DHX57: variants seen among roughly 807,000 people sequenced by gnomAD.
DHX57 encodes DExH-box helicase 57.
A neutral mutation model predicts 156.2 loss-of-function variants in DHX57; 105 were observed. That is an observed-to-expected ratio of 0.67 (90% CI 0.57 to 0.79). DHX57 has a LOEUF of 0.79. Ranked by LOEUF, DHX57 falls within the 30% of genes least tolerant of loss-of-function variation. The pLI, the probability that DHX57 is intolerant of heterozygous loss-of-function variation, is 0.00. For missense variants in DHX57, 1,847 were observed against 1,661.9 expected (o/e 1.11, Z -1.94); for synonymous variants, 704 against 595.6 (o/e 1.18, Z -2.65).
At chr2:38,799,437 CAAAAAAAAAAAA>C (rs772099726) in intron 23 of DHX57, among the ~76,000 whole-genome samples, 3 of 95,630 alleles carry the variant, frequency 3.1e-5, no homozygotes, top group Non-Finnish European at 5.7e-5. Flanking sequence ...CTTGTTGTCT[CAAAAAAAAAAAA>C]AAAAAAAAGG....
chr2:38,819,263 C>T, intron 17 of DHX57, 119 bp from the exon 18 acceptor site: 2 of 879,040 alleles, frequency 2.3e-6, no homozygotes, highest in Non-Finnish European at 1.8e-6. Flanking sequence ...CAACCTTTAT[C>T]TCCCAGGCTT....
intron 13 of DHX57, among the ~76,000 whole-genome samples, chr2:38,832,394 C>T (rs941723476): frequency 1.3e-5 from 2 of 151,888 alleles, no homozygotes; most frequent in Non-Finnish European, 2.9e-5. Context: ...GCCGAGATTG[C>T]GCCACTGCAC....
intron 21 of DHX57, chr2:38,811,077 T>C: frequency 1.7e-6 from 1 of 582,732 alleles, no homozygotes; most frequent in Non-Finnish European, 3.2e-6. Context: ...GGTGGTTGGT[T>C]CTTGGGGTTC....
intron 5 of DHX57, among the ~76,000 whole-genome samples, 188 bp from the exon 6 acceptor site, chr2:38,859,024 A>G (rs1330654109): frequency 6.6e-6 from 1 of 152,144 alleles, no homozygotes; most frequent in Non-Finnish European, 1.5e-5. Context: ...CCTCAAATAA[A>G]CTTTTATCAA....
intron 21 of DHX57, chr2:38,810,513 C>A (rs1670183905): frequency 2.0e-5 from 11 of 557,366 alleles, no homozygotes; most frequent in Non-Finnish European, 3.8e-5. Context: ...ACTGGTGTCA[C>A]CGACTGGCTG....
At chr2:38,807,849 T>A (rs778600812) in intron 21 of DHX57, among the ~76,000 whole-genome samples, 11 of 151,840 alleles carry the variant, frequency 7.2e-5, no homozygotes, top group Non-Finnish European at 1.2e-4. Flanking sequence ...TTTCTCCATG[T>A]TGGTCAGGCT....
At chr2:38,810,363 C>T (rs1468495606) in intron 21 of DHX57, 6 of 465,496 alleles carry the variant, frequency 1.3e-5, no homozygotes, top group Non-Finnish European at 8.4e-6. Flanking sequence ...TACAAATTAT[C>T]ACAACAATTA....
chr2:38,862,318 C>A lies in DHX57; in HGVS notation c.399G>T (p.Gly133=). 6.3e-7 allele frequency: 1 copy of A among 1,580,364 alleles called. No individual in the cohort carries two copies. Among genetic ancestry groups the A allele is most frequent in the Non-Finnish European group, 8.6e-7 (1 of 1,158,678 alleles). ...AATCAGGCTCATCATCTTCCTCCTC[C>A]CCAGAAAGGCCTCTTCTAGCAAAGG... The part of the protein sequence containing the change: ...ADAGSERGLS[G]EEEDDEPDCC... The change falls in exon 4 of 24, where the codon GGG becomes GGT. Residue 133 remains glycine, a synonymous_variant. Coordinates refer to ENST00000457308, the MANE Select transcript of DHX57 (RefSeq NM_198963.3).
intron 13 of DHX57, among the ~76,000 whole-genome samples, chr2:38,837,548 T>C (rs181101545): frequency 1.6e-3 from 218 of 133,566 alleles, no homozygotes; most frequent in African/African-American, 5.6e-3. Flanking sequence ...GAGGCGGAGA[T>C]TGCAGTAAGC....
rs1333685544 is a variant in DHX57, at chr2:38,802,765, C to T, written c.3967G>A (p.Val1323Ile). Residue 1323 changes from valine (V) to isoleucine (I), a missense_variant, in exon 23 of 24, where the codon GTT (valine) becomes ATT (isoleucine). Coordinates refer to ENST00000457308, the MANE Select transcript of DHX57 (RefSeq NM_198963.3). ...ATCCAACCATCATCCAGGGAGACAACGAACTCTCCTCTTTGAAGCTGCACA... is the reference window on the plus strand; with the variant it reads ...ATCCAACCATCATCCAGGGAGACAATGAACTCTCCTCTTTGAAGCTGCACA... ...VNVQLQRGEF[V>I]VSLDDGWIRF... The T allele has an allele frequency of 5.6e-6, 9 of 1,614,136 alleles. No homozygotes were observed. The highest frequency in any genetic ancestry group is 5.0e-5 in the Admixed American group (3 of 60,008).
At chr2:38,808,605 A>G (rs1411674540) in intron 21 of DHX57, among the ~76,000 whole-genome samples, 1 of 152,122 alleles carries the variant, frequency 6.6e-6, no homozygotes, top group Non-Finnish European at 1.5e-5. Flanking sequence ...TCCTAGCTGT[A>G]TCTTTGTGTA....
intron 2 of DHX57, among the ~76,000 whole-genome samples, chr2:38,867,694 G>A (rs1487693616): frequency 6.6e-6 from 1 of 152,102 alleles, no homozygotes; most frequent in East Asian, 1.9e-4. Flanking sequence ...TAGTACCTGG[G>A]ATTACAGGTG....
At chr2:38,870,801 C>T (rs1665316840) in intron 1 of DHX57, among the ~76,000 whole-genome samples, 1 of 151,880 alleles carries the variant, frequency 6.6e-6, no homozygotes, top group South Asian at 2.1e-4. Flanking sequence ...ATCACTTGAA[C>T]ATGGGAGACA....
intron 12 of DHX57, chr2:38,838,817 G>T (rs974700876): frequency 4.4e-6 from 2 of 455,912 alleles, no homozygotes; most frequent in East Asian, 1.4e-4. Context: ...AACACCCACG[G>T]AGTCTACTCA....
intron 17 of DHX57, 112 bp from the exon 18 acceptor site, chr2:38,819,256 C>A: frequency 2.2e-6 from 2 of 906,896 alleles, no homozygotes; most frequent in Non-Finnish European, 3.4e-6. Context: ...CCCACTGCAA[C>A]CTTTATCTCC....
rs151227417 is a variant in DHX57 at position 38,837,878 on chromosome 2, T to C, written c.2495A>G (p.Glu832Gly). The C allele has an allele frequency of 1.2e-6, 2 of 1,613,730 alleles. No homozygotes were observed. The highest frequency in any genetic ancestry group is 2.2e-5 in the South Asian group (2 of 91,082). ...ATCCACAATCCACTCTAATAAGGCC[T>C]CTATTAATTCAAGATTCACCTTTTC... ...DFEKVNLELI[E>G]ALLEWIVDGK... Residue 832 changes from glutamate (E) to glycine (G), a missense_variant, in exon 13 of 24, where the codon GAG becomes GGG. Glu to Gly is a moderately conservative substitution (Grantham distance 98). Coordinates refer to ENST00000457308, the MANE Select transcript of DHX57 (RefSeq NM_198963.3).
At chr2:38,867,185 C>T (rs530367359) in intron 2 of DHX57, 3 of 152,332 alleles carry the variant, frequency 2.0e-5, no homozygotes, top group Admixed American at 6.5e-5. Context: ...CAATTGGCTA[C>T]ATCATACAGC....
intron 19 of DHX57, among the ~76,000 whole-genome samples, chr2:38,816,403 C>A (rs548776065): frequency 1.3e-5 from 2 of 151,450 alleles, no homozygotes; most frequent in Non-Finnish European, 2.9e-5. Context: ...TTAGTAGAGA[C>A]GGAGGTTTCA....
chr2:38,836,123 C>T (rs1030736583), intron 13 of DHX57, among the ~76,000 whole-genome samples: 2 of 152,170 alleles, frequency 1.3e-5, no homozygotes, highest in Non-Finnish European at 2.9e-5. Context: ...ATGACGTGGA[C>T]CATTCTATGA....
Sources: gnomAD v4.1 joint callset for allele counts (sites outside exome capture counted in the v4.1 genomes callset) on GRCh38, gnomAD v4.1.1 for gene constraint, MANE v1.5 for transcripts, NCBI Gene and HGNC (gene_info 2026-07-23, HGNC 2026-07-21) for gene names.